Variants in GAB1 observed in about 807,000 individuals in gnomAD.
The protein encoded by GAB1 is GRB2 associated binding protein 1.
In GAB1, 19 loss-of-function variants were observed where a neutral mutation model predicts 66.5. The observed-to-expected ratio is 0.29, with a 90% confidence interval of 0.20 to 0.42. The LOEUF is 0.42. Ranked by LOEUF, GAB1 falls within the 10% of genes least tolerant of loss-of-function variation. The pLI is 1.00. For synonymous variants in GAB1, 294 were observed against 301.4 expected (o/e 0.98, Z 0.25); for missense variants, 732 against 858.5 (o/e 0.85, Z 1.84).
At chr4:143,441,767 C>G (rs1268183852) in intron 6 of GAB1, among the ~76,000 whole-genome samples, 1 of 152,190 alleles carries the variant, frequency 6.6e-6, no homozygotes, top group African/African-American at 2.4e-5. Flanking sequence ...ATGGATTCTG[C>G]TTTCCAAGAG....
chr4:143,416,307 C>T (rs1372050351), intron 2 of GAB1, among the ~76,000 whole-genome samples: 1 of 152,106 alleles, frequency 6.6e-6, no homozygotes, highest in Non-Finnish European at 1.5e-5. Flanking sequence ...ACTCCAGAGG[C>T]TGAGGCAGGA....
chr4:143,387,680 C>T (rs34234071), intron 1 of GAB1, among the ~76,000 whole-genome samples: 4,830 of 152,242 alleles, frequency 0.032, 82 homozygotes, highest in South Asian at 0.06. Flanking sequence ...TGACTTCTTA[C>T]GGGTCTCCCT....
intron 1 of GAB1, chr4:143,350,014 C>T (rs1048292647): frequency 1.8e-5 from 28 of 1,562,904 alleles, no homozygotes; most frequent in Non-Finnish European, 2.3e-5. Flanking sequence ...GCGACCCCGG[C>T]CCCGGATGCC....
chr4:143,348,606 C>T (rs1425386050), intron 1 of GAB1, among the ~76,000 whole-genome samples: 1 of 152,244 alleles, frequency 6.6e-6, no homozygotes, highest in East Asian at 1.9e-4. Context: ...TCCTCTTGGG[C>T]CCCTCTTAGC....
chr4:143,405,834 CAGAA>C (rs1349808535), intron 1 of GAB1, among the ~76,000 whole-genome samples: 1 of 152,030 alleles, frequency 6.6e-6, no homozygotes, highest in Non-Finnish European at 1.5e-5. Flanking sequence ...CCAGAATTTG[CAGAA>C]AGAAAGGTGT....
intron 3 of GAB1, among the ~76,000 whole-genome samples, chr4:143,436,457 G>A (rs1285542829): frequency 6.6e-6 from 1 of 152,144 alleles, no homozygotes; most frequent in Non-Finnish European, 1.5e-5. Flanking sequence ...TGATCTTATA[G>A]AAGTCTGGTC....
chr4:143,387,816 C>T (rs544596718), intron 1 of GAB1, among the ~76,000 whole-genome samples: 12 of 152,264 alleles, frequency 7.9e-5, no homozygotes, highest in South Asian at 2.1e-4. Context: ...AAGGTCCTCC[C>T]GCTCCTTGAT....
intron 3 of GAB1, 121 bp from the exon 4 acceptor site, chr4:143,437,878 T>G: frequency 1.0e-6 from 1 of 972,720 alleles, no homozygotes; most frequent in Non-Finnish European, 1.5e-6. Flanking sequence ...ATCCTATGGA[T>G]CACACAAAAA....
intron 1 of GAB1, chr4:143,349,312 A>G (rs954167437): frequency 1.4e-5 from 17 of 1,233,242 alleles, no homozygotes; most frequent in Non-Finnish European, 1.8e-5. Context: ...AGTCCGCTGC[A>G]TGGAGACTCT....
chr4:143,418,886 G>T (rs527980539), intron 2 of GAB1, among the ~76,000 whole-genome samples: 1 of 152,278 alleles, frequency 6.6e-6, no homozygotes, highest in South Asian at 2.1e-4. Context: ...ACAGCGTCTT[G>T]TCTATTTGGC....
chr4:143,360,656 T>C lies in GAB1; in HGVS notation c.72+23396T>C, dbSNP rs1162483528. ...AAAAAAGTTGTCTCGTGGGTTGATT[T>C]TTCTCAGAATCCTGATGCTTGTTGT... is the stretch of plus-strand genomic sequence containing the variant. On this transcript the variant is annotated intron_variant, in intron 1 of 9. Transcript: ENST00000262994. Among the ~76,000 whole-genome samples, 3 of 152,352 alleles carry C rather than the reference T, an allele frequency of 2.0e-5. No individual in the cohort carries two copies. The East Asian group carries it at 5.8e-4, about 29-fold the overall frequency.
intron 6 of GAB1, chr4:143,457,831 G>GTT: frequency 2.2e-6 from 2 of 900,932 alleles, no homozygotes; most frequent in Non-Finnish European, 3.3e-6. Context: ...AATGTTTTTT[G>GTT]TTTTTTTTCT....
intron 6 of GAB1, among the ~76,000 whole-genome samples, chr4:143,451,414 A>G (rs889332952): frequency 1.3e-5 from 2 of 152,142 alleles, no homozygotes; most frequent in Non-Finnish European, 2.9e-5. Flanking sequence ...AGGAGTTATA[A>G]TTTATGATAA....
chr4:143,367,229 T>G (rs1396245547), intron 1 of GAB1, among the ~76,000 whole-genome samples: 2 of 151,866 alleles, frequency 1.3e-5, no homozygotes, highest in Non-Finnish European at 2.9e-5. Flanking sequence ...TAACTACATT[T>G]TGGGAGAAAA....
intron 6 of GAB1, among the ~76,000 whole-genome samples, chr4:143,452,241 C>T (rs547859233): frequency 6.6e-6 from 1 of 152,188 alleles, no homozygotes; most frequent in South Asian, 2.1e-4. Context: ...CTGTGCGTGG[C>T]CTGCAATGCT....
chr4:143,410,370 G>T (rs1329013648), intron 1 of GAB1, among the ~76,000 whole-genome samples: 1 of 152,156 alleles, frequency 6.6e-6, no homozygotes, highest in Non-Finnish European at 1.5e-5. Flanking sequence ...GAATTTGTTA[G>T]TAACGTTACA....
chr4:143,452,658 A>T (rs1400212695), intron 6 of GAB1, among the ~76,000 whole-genome samples: 2 of 152,210 alleles, frequency 1.3e-5, no homozygotes, highest in African/African-American at 2.4e-5. Context: ...ATCATCTCTA[A>T]TCGTACTCCA....
chr4:143,356,659 C>A (rs1354295307), intron 1 of GAB1, among the ~76,000 whole-genome samples: 1 of 152,140 alleles, frequency 6.6e-6, no homozygotes, highest in Non-Finnish European at 1.5e-5. Context: ...TTTTAACCTG[C>A]ACAGGTTCAG....
rs540767526 is a variant in GAB1 at position 143,372,044 on chromosome 4, G to T, written c.72+34784G>T. Among the ~76,000 whole-genome samples the T allele has an allele frequency of 2.0e-5, 3 of 152,120 alleles. No homozygotes were observed. The East Asian group carries it at 5.8e-4, about 29-fold the overall frequency. ...AAATTTTACATTATGAAACATCTTG[G>T]CTGGGCACGGTGGCTAGTGCCTGTA... On this transcript the variant is annotated intron_variant, in intron 1 of 9. Transcript: ENST00000262994.
Sources: allele counts gnomAD v4.1 joint callset (sites outside exome capture counted in the v4.1 genomes callset), GRCh38; gene constraint gnomAD v4.1.1; transcripts MANE v1.5; gene names NCBI Gene and HGNC (gene_info 2026-07-23, HGNC 2026-07-21).